The following POLN variants were observed in gnomAD, a reference collection of about 807,000 sequenced individuals.
The protein encoded by POLN is DNA polymerase nu, also known as DNA polymerase N.
POLN carries 108 observed loss-of-function variants against 113.5 expected under a neutral mutation model. The observed-to-expected ratio is 0.95, with a 90% confidence interval of 0.81 to 1.12. The LOEUF (loss-of-function observed/expected upper bound fraction) is 1.12, where lower values mean the gene tolerates loss of function less well. Ranked by LOEUF, POLN falls within the 50% of genes most tolerant of loss-of-function variation. The pLI is 0.00. For synonymous variants in POLN, 386 were observed against 391.5 expected (o/e 0.99, Z 0.17); for missense variants, 1,097 against 1,077.1 (o/e 1.02, Z -0.26).
chr4:2,221,460 G>A (rs1734251073), intron 3 of POLN, among the ~76,000 whole-genome samples: 1 of 152,170 alleles, frequency 6.6e-6, no homozygotes, highest in Non-Finnish European at 1.5e-5. Flanking sequence ...TGAGACAAAT[G>A]GGGATCTGAT....
chr4:2,189,014 C>A (rs189971578), intron 7 of POLN, among the ~76,000 whole-genome samples: 1 of 152,104 alleles, frequency 6.6e-6, no homozygotes, highest in African/African-American at 2.4e-5. Context: ...TTTTGTAAGG[C>A]TCCTTTTTAT....
chr4:2,207,843 C>G (rs1407810707), intron 5 of POLN, 144 bp downstream of exon 5: 1 of 884,526 alleles, frequency 1.1e-6, no homozygotes, highest in Non-Finnish European at 1.7e-6. Flanking sequence ...CTGATGGGAG[C>G]ATACATTGTC....
At chr4:2,096,852 C>T (rs1730809343) in intron 19 of POLN, among the ~76,000 whole-genome samples, 1 of 152,206 alleles carries the variant, frequency 6.6e-6, no homozygotes, top group Non-Finnish European at 1.5e-5. Flanking sequence ...TTAGCCTTCA[C>T]TTCCTACTTG....
chr4:2,087,408 G>C (rs1285832298), intron 20 of POLN, among the ~76,000 whole-genome samples: 1 of 152,206 alleles, frequency 6.6e-6, no homozygotes, highest in African/African-American at 2.4e-5. Context: ...AAAGAAATCA[G>C]ATGGTGGCCA....
In POLN at chr4:2,072,025, G is replaced by A. The variant is rs918776898; in HGVS notation, c.*89C>T. ...CACCCCAGCCCCAAAGGGTTAATGC[G>A]TCCTGGGGCGTACAGAGCTGGTGAC... On this transcript the variant is annotated 3_prime_UTR_variant, in exon 26 of 26. Coordinates refer to ENST00000511885, the MANE Select transcript of POLN (RefSeq NM_181808.4). The A allele has an allele frequency of 1.2e-5, 18 of 1,450,056 alleles. No individual in the cohort carries two copies. The highest frequency in any genetic ancestry group is 2.3e-5 in the South Asian group (2 of 87,350). The allele number at this position is 1,450,056 out of a possible 1,614,324, so 89.8% of individuals were successfully genotyped here. A position where few individuals can be genotyped will look rare whatever the true frequency, so the allele number is the denominator to read the frequency against.
At chr4:2,072,443 G>A in intron 25 of POLN, 144 bp from the exon 26 acceptor site, 1 of 684,340 alleles carries the variant, frequency 1.5e-6, no homozygotes. Flanking sequence ...GCACACATGT[G>A]CATACACGTG....
At chr4:2,103,382 G>T (rs771764692) in intron 19 of POLN, among the ~76,000 whole-genome samples, 12 of 152,036 alleles carry the variant, frequency 7.9e-5, no homozygotes, top group Admixed American at 2.6e-4. Flanking sequence ...CTTGAAGGCA[G>T]GTCTTTTGGA....
chr4:2,075,378 C>T, intron 24 of POLN, 74 bp downstream of exon 24: 2 of 1,501,376 alleles, frequency 1.3e-6, no homozygotes, highest in Non-Finnish European at 1.8e-6. Context: ...CTTTCCTGGG[C>T]TGTGCCCATG....
chr4:2,084,933 G>C (rs902774866), intron 21 of POLN, among the ~76,000 whole-genome samples: 5 of 152,046 alleles, frequency 3.3e-5, no homozygotes, highest in Non-Finnish European at 7.4e-5. Flanking sequence ...CAGATTTCTT[G>C]TGTAGAACAC....
intron 7 of POLN, among the ~76,000 whole-genome samples, chr4:2,186,928 A>C (rs1163771067): frequency 3.3e-5 from 5 of 152,274 alleles, no homozygotes; most frequent in Admixed American, 3.3e-4. Context: ...CTTAATTTAA[A>C]AAATCAAACA....
rs1213349038 is a variant in POLN, at chr4:2,176,352, T to G, written c.1180-18A>C. The G allele has an allele frequency of 1.3e-6, 2 of 1,566,870 alleles. No homozygotes were observed. The highest frequency in any genetic ancestry group is 1.7e-6 in the Non-Finnish European group (2 of 1,155,928). On this transcript the variant is annotated intron_variant, in intron 8 of 25. Coordinates refer to ENST00000511885, the MANE Select transcript of POLN (RefSeq NM_181808.4). ...TTCTGATTCTTTAAAAGAGCAAAAG[T>G]ATTTTTAAAAATCAGATAAACTTGG... is the stretch of plus-strand genomic sequence containing the variant.
chr4:2,207,839 G>A (rs1449878916), intron 5 of POLN, 148 bp downstream of exon 5: 1 of 846,942 alleles, frequency 1.2e-6, no homozygotes, highest in African/African-American at 1.7e-5. Context: ...GAAACTGATG[G>A]GAGCATACAT....
rs559944247 is a variant in POLN, at chr4:2,126,086, C to T, written c.1982+2027G>A. On this transcript the variant is annotated intron_variant, in intron 19 of 25. Coordinates refer to ENST00000511885, the MANE Select transcript of POLN (RefSeq NM_181808.4). The surrounding 1 kb of genome is among the most constrained non-coding windows in gnomAD (Gnocchi z 4.6). Reference sequence around the variant, plus strand: ...TGGGTGGGAGGCAGGACTCCAGTGCCCAAAAGCTGGCCTTGGCTCCTGGTG... The same window carrying T: ...TGGGTGGGAGGCAGGACTCCAGTGCTCAAAAGCTGGCCTTGGCTCCTGGTG... Among the ~76,000 whole-genome samples, 1 of 152,226 alleles carries T rather than the reference C, an allele frequency of 6.6e-6. No homozygotes were observed. The highest frequency in any genetic ancestry group is 1.9e-4 in the East Asian group (1 of 5,168).
chr4:2,208,195 C>G lies in POLN; in HGVS notation c.506G>C (p.Ser169Thr). 2.5e-6 allele frequency: 4 copies of G among 1,607,848 alleles called. No individual in the cohort carries two copies. The highest frequency in any genetic ancestry group is 3.4e-6 in the Non-Finnish European group (4 of 1,174,482). Residue 169 changes from serine to threonine, a missense_variant, in exon 5 of 26, where the codon AGT becomes ACT. Physicochemically the swap from Ser to Thr is moderately conservative, Grantham distance 58. Coordinates refer to ENST00000511885, the MANE Select transcript of POLN (RefSeq NM_181808.4). ...ATCTTCTTCCAATGCCATTTGTTTA[C>G]TTGTTTTCTCTGACAAATTATTATA... Reference protein sequence around the residue: ...ITYNNLSEKTSKQMALEEDTD... With the variant: ...ITYNNLSEKTTKQMALEEDTD...
chr4:2,149,527 G>A (rs968997404), intron 16 of POLN, among the ~76,000 whole-genome samples: 5 of 152,140 alleles, frequency 3.3e-5, no homozygotes, highest in Non-Finnish European at 4.4e-5. Flanking sequence ...AACTACATGG[G>A]TAGATAGGAT....
intron 19 of POLN, among the ~76,000 whole-genome samples, chr4:2,111,675 A>G (rs1359857748): frequency 1.3e-5 from 2 of 152,180 alleles, no homozygotes; most frequent in East Asian, 1.9e-4. Context: ...TAGGAATCCA[A>G]CTTACAAGGG....
chr4:2,174,753 T>C lies in POLN; in HGVS notation c.1249-2A>G. On this transcript the variant is annotated splice_acceptor_variant, in intron 9 of 25. Coordinates refer to ENST00000511885, the MANE Select transcript of POLN (RefSeq NM_181808.4). LOFTEE classifies it high-confidence loss of function. ...AAATAGTTGCCATAAACCATAATCC[T>C]GTTTAATAGGAAGAAATAACATCAA... 5.7e-6 allele frequency: 9 copies of C among 1,588,908 alleles called. No individual in the cohort carries two copies. The highest frequency in any genetic ancestry group is 7.8e-6 in the Non-Finnish European group (9 of 1,159,700).
chr4:2,236,464 G>A, intron 2 of POLN: 17 of 1,574,306 alleles, frequency 1.1e-5, no homozygotes, highest in Admixed American at 1.7e-5. Flanking sequence ...AGCCTGAAAT[G>A]TAAAAATTAA....
At chr4:2,165,642 G>A (rs1022235334) in intron 13 of POLN, among the ~76,000 whole-genome samples, 6 of 152,172 alleles carry the variant, frequency 3.9e-5, no homozygotes, top group Non-Finnish European at 7.4e-5. Flanking sequence ...TGACTGTAAC[G>A]ATGGTACCAT....
Sources: allele counts gnomAD v4.1 joint callset (sites outside exome capture counted in the v4.1 genomes callset), GRCh38; gene constraint gnomAD v4.1.1; non-coding constraint Gnocchi (gnomAD v3.1); transcripts MANE v1.5; gene names NCBI Gene and HGNC (gene_info 2026-07-23, HGNC 2026-07-21).